The following TNRC6C variants were observed in gnomAD, a reference collection of about 807,000 sequenced individuals.
TNRC6C encodes the protein trinucleotide repeat containing adaptor 6C.
A neutral mutation model predicts 153.7 loss-of-function variants in TNRC6C; 20 were observed. That is an observed-to-expected ratio of 0.13 (90% CI 0.09 to 0.19). The LOEUF (loss-of-function observed/expected upper bound fraction) is 0.19. Among genes scored for constraint, TNRC6C ranks in the 10% least tolerant of loss-of-function variants. TNRC6C has a pLI of 1.00. For missense variants in TNRC6C, 1,987 were observed against 2,172.0 expected (o/e 0.91, Z 1.69); for synonymous variants, 811 against 841.4 (o/e 0.96, Z 0.63).
intron 13 of TNRC6C, among the ~76,000 whole-genome samples, chr17:78,087,695 A>C (rs1224159076): frequency 6.6e-6 from 1 of 152,188 alleles, no homozygotes; most frequent in Non-Finnish European, 1.5e-5. Flanking sequence ...GCACTTCTTA[A>C]AAAGCAGTGG....
chr17:78,043,153 G>T (rs2072334157), intron 2 of TNRC6C, among the ~76,000 whole-genome samples: 1 of 152,214 alleles, frequency 6.6e-6, no homozygotes, highest in Non-Finnish European at 1.5e-5. Context: ...AAAAAGAATA[G>T]CAGTATGTCT....
chr17:77,970,228 C>T (rs2070929997), intron 1 of TNRC6C, among the ~76,000 whole-genome samples: 1 of 152,108 alleles, frequency 6.6e-6, no homozygotes, highest in Admixed American at 6.6e-5. Flanking sequence ...AACAGTTTTA[C>T]TTCTTTACAT....
At chr17:77,958,166 G>A (rs2070824290), upstream of TNRC6C, among the ~76,000 whole-genome samples, 1 of 151,930 alleles carries the variant, frequency 6.6e-6, no homozygotes, top group African/African-American at 2.4e-5. Flanking sequence ...TGCGGGCGCC[G>A]GGCGCCGCCG....
exon 18 of TNRC6C, chr17:78,102,513 G>A (rs1331663856): frequency 6.2e-7 from 1 of 1,606,698 alleles, no homozygotes; most frequent in Non-Finnish European, 8.5e-7. Flanking sequence ...AGAACCAGCA[G>A]CTGGCTCGTT....
At chr17:78,100,752 C>T (rs1392568364) in intron 17 of TNRC6C, among the ~76,000 whole-genome samples, 1 of 149,888 alleles carries the variant, frequency 6.7e-6, no homozygotes, top group African/African-American at 2.5e-5. Context: ...TGAATTTTTC[C>T]TCAGAAAATG....
chr17:78,012,022 T>C (rs1391050032), intron 1 of TNRC6C: 2 of 152,222 alleles, frequency 1.3e-5, no homozygotes, highest in East Asian at 3.8e-4. Flanking sequence ...TGATACTAAA[T>C]TGGCCTCTAG....
chr17:78,095,731 C>A (rs938951816), intron 16 of TNRC6C, among the ~76,000 whole-genome samples: 1 of 152,066 alleles, frequency 6.6e-6, no homozygotes, highest in African/African-American at 2.4e-5. Flanking sequence ...CATCTCTTCA[C>A]GTAGAAATTG....
At chr17:78,052,555 T>G (rs1314932355) in intron 3 of TNRC6C, among the ~76,000 whole-genome samples, 1 of 152,146 alleles carries the variant, frequency 6.6e-6, no homozygotes, top group Non-Finnish European at 1.5e-5. Context: ...GCCCAGAAGG[T>G]CTGCATGCGG....
chr17:78,104,767 C>A lies in TNRC6C; in HGVS notation c.4995C>A (p.Asp1665Glu). 1 of 1,479,714 alleles carries A rather than the reference C, an allele frequency of 6.8e-7. No homozygotes were observed. Among genetic ancestry groups the A allele is most frequent in the Non-Finnish European group, 9.0e-7 (1 of 1,115,122 alleles). 91.7% of individuals were successfully genotyped at this position (1,479,714 alleles called of 1,614,324 possible). A position where few individuals can be genotyped will look rare whatever the true frequency, so the allele number is the denominator to read the frequency against. Residue 1665 changes from aspartate (D) to glutamate (E), a missense_variant, in exon 20 of 20, where the codon GAC (aspartate) becomes GAA (glutamate). Around this residue, in one of 4 missense-constraint regions of TNRC6C, gnomAD observed 139 missense variants for 148.5 expected, o/e 0.94. Coordinates refer to ENST00000301624, the Ensembl canonical transcript of TNRC6C. The surrounding 1 kb of genome is among the most constrained non-coding windows in gnomAD (Gnocchi z 6.2). Reference sequence around the variant, plus strand: ...GCCTGTGGGGCCCGCCCAGCGCCGACGACAGCAGGGTGATAGGCAGCCCCA... The same window carrying A: ...GCCTGTGGGGCCCGCCCAGCGCCGAAGACAGCAGGGTGATAGGCAGCCCCA...
chr17:78,031,830 A>G, exon 2 of TNRC6C: 1 of 1,232,210 alleles, frequency 8.1e-7, no homozygotes, highest in African/African-American at 1.5e-5. Flanking sequence ...TCATCCCAGT[A>G]AGCTCCAACC....
At chr17:78,029,947 A>G (rs943749882) in intron 1 of TNRC6C, among the ~76,000 whole-genome samples, 7 of 152,120 alleles carry the variant, frequency 4.6e-5, no homozygotes, top group African/African-American at 1.7e-4. Flanking sequence ...CTGTGATAAC[A>G]ATGACTTCTG....
chr17:78,043,977 G>T (rs1420290658), intron 2 of TNRC6C, among the ~76,000 whole-genome samples: 1 of 152,102 alleles, frequency 6.6e-6, no homozygotes, highest in East Asian at 1.9e-4. Flanking sequence ...GGACACATAG[G>T]TTGCTTCCAA....
intron 1 of TNRC6C, among the ~76,000 whole-genome samples, chr17:77,992,217 C>CACTGGGAACGTTCACACTTGGACTGT (rs1404757893): frequency 8.2e-6 from 1 of 121,240 alleles, no homozygotes; most frequent in Non-Finnish European, 1.6e-5. Context: ...TAAGCAAAAC[C>CACTGGGAACGTTCACACTTGGACTGT]GGCCGGGCGC....
In TNRC6C at chr17:78,035,575, G is replaced by C. The variant is rs149582797; in HGVS notation, c.-219+3733G>C. Among the ~76,000 whole-genome samples, 4 of 152,266 alleles carry C rather than the reference G, an allele frequency of 2.6e-5. No homozygotes were observed. In the East Asian group the frequency reaches 7.7e-4, roughly 29 times the overall value. On this transcript the variant is annotated intron_variant, in intron 2 of 19. Transcript: ENST00000301624. Reference sequence around the variant, plus strand: ...ATCCCAGCTACCTGACAGGCTGAGGGAGAAGGATCGCTTGAGCCCAGGAAT... The same window carrying C: ...ATCCCAGCTACCTGACAGGCTGAGGCAGAAGGATCGCTTGAGCCCAGGAAT...
rs576518511 is a variant in TNRC6C at position 78,103,641 on chromosome 17, G to A, written c.4712+88G>A. On this transcript the variant is annotated intron_variant, in intron 19 of 19. Coordinates refer to ENST00000301624, the Ensembl canonical transcript of TNRC6C. ...TAGGGGTGTTGCAGGGGTGTCCTGA[G>A]CCACCATAGCAGAATCCCACAGGCT... The A allele has an allele frequency of 2.3e-5, 36 of 1,546,502 alleles. 1 individual carries two copies. The South Asian group carries it at 4.4e-4, about 19-fold the overall frequency.
At chr17:77,999,107 A>G (rs1360125959) in intron 1 of TNRC6C, among the ~76,000 whole-genome samples, 1 of 152,234 alleles carries the variant, frequency 6.6e-6, no homozygotes, top group East Asian at 1.9e-4. Context: ...AGTCTGCCCC[A>G]TAAATGCATA....
intron 1 of TNRC6C, among the ~76,000 whole-genome samples, chr17:77,987,060 A>T (rs1338953637): frequency 1.3e-5 from 2 of 152,244 alleles, no homozygotes; most frequent in Non-Finnish European, 2.9e-5. Flanking sequence ...GGTGAATGCC[A>T]AAAACAAAAG....
rs147356590 is a variant in TNRC6C at position 78,074,926 on chromosome 17, G to A, written c.2918-210G>A. Among the ~76,000 whole-genome samples, 330 of 152,308 alleles carry A rather than the reference G, an allele frequency of 2.2e-3. 2 individuals carry two copies. Among genetic ancestry groups the A allele is most frequent in the African/African-American group, 7.5e-3 (313 of 41,568 alleles). ...TGCAGGAGCCACGGAAGGGTGCCTG[G>A]GGCCAACCCCCATCCCCTTGCCGTG... is the stretch of plus-strand genomic sequence containing the variant. On this transcript the variant is annotated intron_variant, in intron 7 of 19. Transcript: ENST00000301624.
At chr17:78,095,705 A>C (rs1271136621) in intron 16 of TNRC6C, among the ~76,000 whole-genome samples, 2 of 152,174 alleles carry the variant, frequency 1.3e-5, no homozygotes, top group Admixed American at 6.5e-5. Flanking sequence ...ATTGAAAGAA[A>C]GGGGAGTACA....
Sources: gnomAD v4.1 joint callset for allele counts (sites outside exome capture counted in the v4.1 genomes callset) on GRCh38, gnomAD v4.1.1 for gene constraint, gnomAD v4.1.1 regional missense constraint, Gnocchi (gnomAD v3.1) non-coding constraint, MANE v1.5 for transcripts, NCBI Gene and HGNC (gene_info 2026-07-23, HGNC 2026-07-21) for gene names.